The following ZSCAN2 variants were observed in gnomAD, a reference collection of about 807,000 sequenced individuals.
ZSCAN2 encodes the protein zinc finger and SCAN domain-containing protein 2.
In ZSCAN2, 26 loss-of-function variants were observed where a neutral mutation model predicts 47.8. The observed-to-expected ratio is 0.54, with a 90% confidence interval of 0.40 to 0.75. The LOEUF (loss-of-function observed/expected upper bound fraction) is 0.75. Ranked by LOEUF, ZSCAN2 falls within the 30% of genes least tolerant of loss-of-function variation. The pLI, the probability that ZSCAN2 is intolerant of heterozygous loss-of-function variation, is 0.00. For synonymous variants in ZSCAN2, 305 were observed against 288.7 expected (o/e 1.06, Z -0.57); for missense variants, 732 against 785.4 (o/e 0.93, Z 0.81).
intron 2 of ZSCAN2, among the ~76,000 whole-genome samples, chr15:84,617,540 A>G (rs1317395683): frequency 1.4e-5 from 2 of 145,232 alleles, no homozygotes; most frequent in Non-Finnish European, 3.0e-5. Flanking sequence ...CCCTAGTGAT[A>G]TGAGGGGTGG....
intron 2 of ZSCAN2, among the ~76,000 whole-genome samples, chr15:84,607,057 G>C (rs1223450234): frequency 6.6e-6 from 1 of 152,138 alleles, no homozygotes; most frequent in Non-Finnish European, 1.5e-5. Flanking sequence ...TTTTCTGACA[G>C]GAACCTCTGG....
At chr15:84,613,678 C>CT (rs59871656) in intron 2 of ZSCAN2, among the ~76,000 whole-genome samples, 18 of 146,710 alleles carry the variant, frequency 1.2e-4, no homozygotes, top group Admixed American at 2.7e-4. Context: ...AGTAATCTTT[C>CT]TTTTTTTTTT....
At position 84,622,560 on chromosome 15, in the gene ZSCAN2, C is replaced by A. The variant is rs978843813; in HGVS notation, c.*520C>A. The A allele has an allele frequency of 1.1e-5, 8 of 714,232 alleles. No individual in the cohort carries two copies. The highest frequency in any genetic ancestry group is 2.0e-5 in the Admixed American group (1 of 49,554). The allele number at this position is 714,232 out of a possible 1,614,324, so 44.2% of individuals were successfully genotyped here. Reference sequence around the variant, plus strand: ...GAATCTGCTCTTCTGGCTTTGGTGTCTTGGGCTTTGATTTCAGGTCAAGAT... The same window carrying A: ...GAATCTGCTCTTCTGGCTTTGGTGTATTGGGCTTTGATTTCAGGTCAAGAT... On this transcript the variant is annotated 3_prime_UTR_variant, in exon 3 of 3. Transcript: ENST00000546148.
Position 84,622,378 on chromosome 15 carries a change from A to AGACAG in ZSCAN2, c.*339_*343dup. 1 of 580,720 alleles carries AGACAG rather than the reference A, an allele frequency of 1.7e-6. No individual in the cohort carries two copies. The highest frequency in any genetic ancestry group is 2.3e-5 in the South Asian group (1 of 43,226). 36.0% of individuals were successfully genotyped at this position (580,720 alleles called of 1,614,324 possible). A position where few individuals can be genotyped will look rare whatever the true frequency, so the allele number is the denominator to read the frequency against. ...GAAATGTTTCTCCATGTGGAATGGA[A>AGACAG]GACAGCATGGCCCACAACGTGGGCC... On this transcript the variant is annotated 3_prime_UTR_variant, in exon 3 of 3. Coordinates refer to ENST00000546148, the MANE Select transcript of ZSCAN2 (RefSeq NM_181877.4).
At chr15:84,619,189 T>C (rs1445440926) in intron 2 of ZSCAN2, among the ~76,000 whole-genome samples, 2 of 152,120 alleles carry the variant, frequency 1.3e-5, no homozygotes, top group African/African-American at 2.4e-5. Context: ...CCCAGCACTT[T>C]GGGAGGCCGA....
At position 84,620,957 on chromosome 15, in the gene ZSCAN2, A is replaced by G. The variant is rs1335625947; in HGVS notation, c.762A>G (p.Glu254=). ...HTGEKYYKCD[E]CGKSFSDGSN... ...GAGAGAAATACTACAAATGTGATGA[A>G]TGTGGAAAAAGCTTTAGTGATGGTT... The change falls in exon 3 of 3, where the codon GAA becomes GAG. Residue 254 remains glutamate, a synonymous_variant. Transcript: ENST00000546148. 6 of 1,612,830 alleles carry G rather than the reference A, an allele frequency of 3.7e-6. No individual in the cohort carries two copies. Among genetic ancestry groups the G allele is most frequent in the Non-Finnish European group, 5.1e-6 (6 of 1,179,590 alleles).
intron 2 of ZSCAN2, among the ~76,000 whole-genome samples, chr15:84,607,938 AT>A (rs1028611226): frequency 3.3e-5 from 5 of 151,912 alleles, no homozygotes; most frequent in Admixed American, 2.6e-4. Flanking sequence ...CCTTTTCCCC[AT>A]CCCCAGTTCC....
intron 2 of ZSCAN2, 65 bp downstream of exon 2, chr15:84,604,398 T>C: frequency 6.5e-7 from 1 of 1,527,404 alleles, no homozygotes; most frequent in Non-Finnish European, 8.8e-7. Context: ...AGTGTGGTGT[T>C]TCGGAGGAGG....
intron 2 of ZSCAN2, among the ~76,000 whole-genome samples, chr15:84,607,562 G>T (rs1895420242): frequency 6.6e-6 from 1 of 152,048 alleles, no homozygotes; most frequent in Non-Finnish European, 1.5e-5. Context: ...AGGCTGGAGT[G>T]CAGTGGTGCC....
chr15:84,621,373 C>T lies in ZSCAN2; in HGVS notation c.1178C>T (p.Thr393Ile). The T allele has an allele frequency of 6.2e-7, 1 of 1,613,674 alleles. No individual in the cohort carries two copies. The highest frequency in any genetic ancestry group is 8.5e-7 in the Non-Finnish European group (1 of 1,179,926). The change falls in exon 3 of 3, where the codon ACC becomes ATC. Residue 393 changes from threonine to isoleucine, a missense_variant. By Grantham distance (89) the Thr-to-Ile change is moderately conservative (BLOSUM62 -1). This residue lies in a region of ZSCAN2 where 412 missense variants were observed against 498.0 expected (regional missense o/e 0.83). Transcript: ENST00000546148. This position sits in a 1 kb window ranked among gnomAD's most constrained non-coding sequence, Gnocchi z 5.7. ...ACAGGAGAGAAACCCTACAAATGTA[C>T]CGACTGTGGGCAGAGGTTCAGCCAG... The part of the protein sequence containing the change: ...IHTGEKPYKC[T>I]DCGQRFSQSS...
At chr15:84,608,655 G>A (rs1055119817) in intron 2 of ZSCAN2, among the ~76,000 whole-genome samples, 14 of 151,894 alleles carry the variant, frequency 9.2e-5, no homozygotes, top group Admixed American at 3.9e-4. Context: ...AAACTCAGCC[G>A]CACATTAGAA....
intron 2 of ZSCAN2, chr15:84,616,417 A>C: frequency 6.3e-7 from 1 of 1,585,152 alleles, no homozygotes; most frequent in Non-Finnish European, 8.6e-7. Context: ...GTTCCCAAAC[A>C]CAGGAAGTGA....
At chr15:84,601,324 C>G (rs1361578751) in intron 1 of ZSCAN2, 189 bp downstream of exon 1, 1 of 152,226 alleles carries the variant, frequency 6.6e-6, no homozygotes, top group African/African-American at 2.4e-5. Context: ...GTCCCGGACG[C>G]GTCTCCCTGG....
At chr15:84,607,222 A>G (rs1302602244) in intron 2 of ZSCAN2, among the ~76,000 whole-genome samples, 6 of 152,040 alleles carry the variant, frequency 3.9e-5, no homozygotes, top group Admixed American at 3.9e-4. Flanking sequence ...TTCTCACCTG[A>G]ATTCTTGGAG....
rs1895830337 is a variant in ZSCAN2, at chr15:84,622,057, A to C, written c.*17A>C. 2 of 1,577,358 alleles carry C rather than the reference A, an allele frequency of 1.3e-6. No homozygotes were observed. The highest frequency in any genetic ancestry group is 2.7e-5 in the African/African-American group (2 of 74,134). On this transcript the variant is annotated 3_prime_UTR_variant, in exon 3 of 3. Coordinates refer to ENST00000546148, the MANE Select transcript of ZSCAN2 (RefSeq NM_181877.4). ...CTTTATTGAAGTGGCAAAGAGTGAA[A>C]GTGAGGGACTGGCCTGGAGTGGGAG...
In ZSCAN2 at chr15:84,622,875, A is replaced by G; in HGVS notation, c.*835A>G. ...GAGTGTAGTGAAGTCCGAGAGCCCT[A>G]GCTGCCAACCCATGGTGGATGGTAA... On this transcript the variant is annotated 3_prime_UTR_variant, in exon 3 of 3. Coordinates refer to ENST00000546148, the MANE Select transcript of ZSCAN2 (RefSeq NM_181877.4). 1 of 589,130 alleles carries G rather than the reference A, an allele frequency of 1.7e-6. No individual in the cohort carries two copies. Among genetic ancestry groups the G allele is most frequent in the East Asian group, 2.9e-5 (1 of 34,406 alleles). 36.5% of individuals were successfully genotyped at this position (589,130 alleles called of 1,614,324 possible).
intron 2 of ZSCAN2, chr15:84,616,418 C>G: frequency 1.9e-6 from 3 of 1,585,190 alleles, no homozygotes; most frequent in South Asian, 1.2e-5. Context: ...TTCCCAAACA[C>G]AGGAAGTGAT....
chr15:84,619,240 G>A (rs1176891181), intron 2 of ZSCAN2, among the ~76,000 whole-genome samples: 1 of 152,092 alleles, frequency 6.6e-6, no homozygotes, highest in South Asian at 2.1e-4. Context: ...GACCATCCTG[G>A]CTAACATGGT....
intron 2 of ZSCAN2, among the ~76,000 whole-genome samples, chr15:84,608,394 A>C (rs6496164): frequency 6.6e-6 from 1 of 151,958 alleles, no homozygotes; most frequent in African/African-American, 2.4e-5. Context: ...TCAGCCAGGC[A>C]TGGTGGCATG....
Sources: gnomAD v4.1 joint callset for allele counts (sites outside exome capture counted in the v4.1 genomes callset) on GRCh38, gnomAD v4.1.1 for gene constraint, gnomAD v4.1.1 regional missense constraint, Gnocchi (gnomAD v3.1) non-coding constraint, MANE v1.5 for transcripts, NCBI Gene and HGNC (gene_info 2026-07-23, HGNC 2026-07-21) for gene names.